TXNL1: variants seen among roughly 807,000 people sequenced by gnomAD.
TXNL1 encodes thioredoxin like 1.
TXNL1 carries 14 observed loss-of-function variants against 35.5 expected under a neutral mutation model. The observed-to-expected ratio is 0.39, with a 90% CI of 0.26 to 0.62. The LOEUF is 0.62. Ranked by LOEUF, TXNL1 falls within the 20% of genes least tolerant of loss-of-function variation. The pLI is 0.47. For missense variants in TXNL1, 263 were observed against 349.7 expected, an observed-to-expected ratio of 0.75 and a Z score of 1.98; for synonymous variants, 110 against 115.5, an observed-to-expected ratio of 0.95 and a Z score of 0.31.
In TXNL1 at chr18:56,600,311, T is replaced by C. The variant is rs1435092000; in HGVS notation, c.*2716A>G. On this transcript the variant is annotated 3_prime_UTR_variant, in exon 8 of 8. Transcript: ENST00000217515. ...TTAAGTGGCTGCCTCCAACAGAATA[T>C]TGAGACTGGGGAACAATGTGGGGCA... The C allele has an allele frequency of 5.3e-5, 8 of 151,896 alleles. No individual in the cohort carries two copies. The East Asian group carries it at 1.6e-3, about 30-fold the overall frequency. The allele number at this position is 151,896 out of a possible 1,614,324, so 9.4% of individuals were successfully genotyped here.
chr18:56,601,128 T>C lies in TXNL1; in HGVS notation c.*1899A>G, dbSNP rs2023805605. 1 of 152,226 alleles carries C rather than the reference T, an allele frequency of 6.6e-6. No individual in the cohort carries two copies. Among genetic ancestry groups the C allele is most frequent in the Admixed American group, 6.5e-5 (1 of 15,286 alleles). 9.4% of individuals were successfully genotyped at this position (152,226 alleles called of 1,614,324 possible). ...TTACATATACATATGTGTGTATATATATATACTGTTTTAGGAGAAAACAGC... is the reference window on the plus strand; with the variant it reads ...TTACATATACATATGTGTGTATATACATATACTGTTTTAGGAGAAAACAGC... On this transcript the variant is annotated 3_prime_UTR_variant, in exon 8 of 8. Coordinates refer to ENST00000217515, the MANE Select transcript of TXNL1 (RefSeq NM_004786.3).
intron 1 of TXNL1, among the ~76,000 whole-genome samples, chr18:56,631,799 A>C (rs950059940): frequency 6.6e-6 from 1 of 152,094 alleles, no homozygotes; most frequent in African/African-American, 2.4e-5. Flanking sequence ...GCATGCCTGT[A>C]ATCTCAGCTA....
At position 56,599,933 on chromosome 18, in the gene TXNL1, T is replaced by C. The variant is rs1042768947; in HGVS notation, c.*3094A>G. ...TACAAATTATCAGTTCCAGAAGAGA[T>C]ATACCTAACACAAAAATTAACCTAC... On this transcript the variant is annotated 3_prime_UTR_variant, in exon 8 of 8. Coordinates refer to ENST00000217515, the MANE Select transcript of TXNL1 (RefSeq NM_004786.3). 2 of 152,132 alleles carry C rather than the reference T, an allele frequency of 1.3e-5. No individual in the cohort carries two copies. Among genetic ancestry groups the C allele is most frequent in the African/African-American group, 4.8e-5 (2 of 41,424 alleles). 9.4% of individuals were successfully genotyped at this position (152,132 alleles called of 1,614,324 possible).
intron 1 of TXNL1, among the ~76,000 whole-genome samples, chr18:56,637,191 G>A (rs2024468939): frequency 6.6e-6 from 1 of 152,030 alleles, no homozygotes; most frequent in Admixed American, 6.6e-5. Flanking sequence ...TCCCTAAAAC[G>A]ATATAATCCT....
At chr18:56,634,286 A>G (rs1296411326) in intron 1 of TXNL1, among the ~76,000 whole-genome samples, 5 of 152,188 alleles carry the variant, frequency 3.3e-5, no homozygotes, top group Admixed American at 3.3e-4. Context: ...ATGAACGTGC[A>G]TTTCTTTTCT....
chr18:56,608,284 C>T (rs997432552), intron 7 of TXNL1: 2 of 152,098 alleles, frequency 1.3e-5, no homozygotes, highest in Non-Finnish European at 2.9e-5. Context: ...TTTTTAACTA[C>T]ATTGAAGTTG....
At chr18:56,626,588 TG>T in intron 1 of TXNL1, 131 bp from the exon 2 acceptor site, 1 of 869,860 alleles carries the variant, frequency 1.1e-6, no homozygotes, top group Non-Finnish European at 1.7e-6. Flanking sequence ...TGTTTTGTTT[TG>T]TTTTTTGCTT....
chr18:56,605,454 A>AT (rs771736141), intron 7 of TXNL1, among the ~76,000 whole-genome samples: 5 of 152,204 alleles, frequency 3.3e-5, no homozygotes, highest in South Asian at 2.1e-4. Flanking sequence ...AGAAAAGTCT[A>AT]TTTTTATTAT....
At chr18:56,624,163 CT>C in intron 3 of TXNL1, 124 bp downstream of exon 3, 1 of 1,075,958 alleles carries the variant, frequency 9.3e-7, no homozygotes, top group East Asian at 2.5e-5. Flanking sequence ...TTTGAAAGCT[CT>C]TATTTAAAAG....
Position 56,599,945 on chromosome 18 carries a change from A to T in TXNL1, c.*3082T>A, listed in dbSNP as rs1302359708. 1 of 152,212 alleles carries T rather than the reference A, an allele frequency of 6.6e-6. No individual in the cohort carries two copies. Among genetic ancestry groups the T allele is most frequent in the African/African-American group, 2.4e-5 (1 of 41,462 alleles). The allele number at this position is 152,212 out of a possible 1,614,324, so 9.4% of individuals were successfully genotyped here. A position where few individuals can be genotyped will look rare whatever the true frequency, so the allele number is the denominator to read the frequency against. On this transcript the variant is annotated 3_prime_UTR_variant, in exon 8 of 8. Coordinates refer to ENST00000217515, the MANE Select transcript of TXNL1 (RefSeq NM_004786.3). ...GTTCCAGAAGAGATATACCTAACACAAAAATTAACCTACTAAATTGAACTA... is the reference window on the plus strand; with the variant it reads ...GTTCCAGAAGAGATATACCTAACACTAAAATTAACCTACTAAATTGAACTA...
intron 1 of TXNL1, among the ~76,000 whole-genome samples, chr18:56,632,135 C>T (rs1361434463): frequency 1.3e-5 from 2 of 152,150 alleles, no homozygotes; most frequent in Admixed American, 6.5e-5. Flanking sequence ...TTTTAATACA[C>T]TTTTTACTAC....
Position 56,602,183 on chromosome 18 carries a change from G to C in TXNL1, c.*844C>G, listed in dbSNP as rs796866797. 20 of 152,032 alleles carry C rather than the reference G, an allele frequency of 1.3e-4. No homozygotes were observed. The highest frequency in any genetic ancestry group is 3.4e-4 in the African/African-American group (14 of 41,388). The allele number at this position is 152,032 out of a possible 1,614,324, so 9.4% of individuals were successfully genotyped here. On this transcript the variant is annotated 3_prime_UTR_variant, in exon 8 of 8. Transcript: ENST00000217515. The stretch of plus-strand genomic sequence containing the variant: ...CCGCCACCATGCCTGGCTAATTTTT[G>C]TATTTTTAGTAGAGACGAGGTTTCA...
Position 56,624,269 on chromosome 18 carries a change from C to A in TXNL1, c.369+19G>T. The A allele has an allele frequency of 6.3e-7, 1 of 1,598,362 alleles. No homozygotes were observed. Among genetic ancestry groups the A allele is most frequent in the Non-Finnish European group, 8.5e-7 (1 of 1,170,958 alleles). On this transcript the variant is annotated intron_variant, in intron 3 of 7. Transcript: ENST00000217515. ...TACAAGATATTATACATTATGATTT[C>A]ACTTTTCAGTCTACATACATAGCCT...
chr18:56,612,879 T>TA (rs895918709), intron 6 of TXNL1, among the ~76,000 whole-genome samples: 4 of 152,142 alleles, frequency 2.6e-5, no homozygotes, highest in Admixed American at 2.0e-4. Flanking sequence ...ATTATAATTT[T>TA]TTTTTTTTTG....
At chr18:56,628,349 C>T (rs1438284325) in intron 1 of TXNL1, among the ~76,000 whole-genome samples, 3 of 152,148 alleles carry the variant, frequency 2.0e-5, no homozygotes, top group Admixed American at 6.5e-5. Flanking sequence ...CTGGGGAATA[C>T]ATCTAAGACA....
chr18:56,610,997 T>G lies in TXNL1; in HGVS notation c.836A>C (p.Lys279Thr), dbSNP rs747057452. 6.3e-7 allele frequency: 1 copy of G among 1,593,330 alleles called. No homozygotes were observed. Among genetic ancestry groups the G allele is most frequent in the East Asian group, 2.3e-5 (1 of 43,856 alleles). ...PVQATNMNDF[K>T]RVVGKKGESH ...GTATCATTTAAGCAAACTTACTCGT[T>G]TGAAGTCATTCATATTTGTTGCCTG... Residue 279 changes from lysine to threonine, a missense_variant, in exon 7 of 8, where the codon AAA (lysine) becomes ACA (threonine). Transcript: ENST00000217515.
At chr18:56,607,161 TTGTGTGTGTG>T (rs112495608) in intron 7 of TXNL1, among the ~76,000 whole-genome samples, 16 of 137,610 alleles carry the variant, frequency 1.2e-4, no homozygotes, top group South Asian at 2.4e-4. Context: ...CTGGGTAATT[TTGTGTGTGTG>T]TGTGTGTGTG....
chr18:56,638,199 G>T, intron 1 of TXNL1, 144 bp downstream of exon 1: 1 of 795,836 alleles, frequency 1.3e-6, no homozygotes, highest in Non-Finnish European at 1.9e-6. Context: ...CGAGAAACGA[G>T]GCCTAATTCC....
At chr18:56,629,882 T>G (rs1022908299) in intron 1 of TXNL1, among the ~76,000 whole-genome samples, 1 of 152,096 alleles carries the variant, frequency 6.6e-6, no homozygotes, top group African/African-American at 2.4e-5. Context: ...CATGCAATTT[T>G]GTAACAAGAT....
Sources: gnomAD v4.1 joint callset for allele counts (sites outside exome capture counted in the v4.1 genomes callset) on GRCh38, gnomAD v4.1.1 for gene constraint, MANE v1.5 for transcripts, NCBI Gene and HGNC (gene_info 2026-07-23, HGNC 2026-07-21) for gene names.